Variants in ESCO2 observed in about 807,000 individuals in gnomAD.
The protein encoded by ESCO2 is establishment of sister chromatid cohesion N-acetyltransferase 2, also known as N-acetyltransferase ESCO2.
Under a neutral mutation model 61.7 loss-of-function variants are expected in ESCO2, and 51 were observed. The observed-to-expected ratio is 0.83, with a 90% CI of 0.66 to 1.04. The LOEUF is 1.04. ESCO2 is among the 50% of genes least tolerant of loss of function. ESCO2 has a pLI of 0.00. For missense variants in ESCO2, 692 were observed against 686.2 expected (o/e 1.01, Z -0.09); for synonymous variants, 230 against 238.2 (o/e 0.97, Z 0.32).
chr8:27,783,922 A>G, intron 4 of ESCO2, 78 bp from the exon 5 acceptor site: 1 of 1,302,986 alleles, frequency 7.7e-7, no homozygotes, highest in Non-Finnish European at 1.1e-6. Context: ...ATTTTGTCTT[A>G]TTAACCTTTG....
upstream of ESCO2, chr8:27,774,306 C>G (rs1372170053): frequency 6.6e-6 from 1 of 152,114 alleles, no homozygotes; most frequent in Non-Finnish European, 1.5e-5. Flanking sequence ...ACTACAATTC[C>G]CAGAATGCAC....
At position 27,788,838 on chromosome 8, in the gene ESCO2, CAA is replaced by C; in HGVS notation, c.1132-8_1132-7del. 1 of 1,613,880 alleles carries C rather than the reference CAA, an allele frequency of 6.2e-7. No individual in the cohort carries two copies. Among genetic ancestry groups the C allele is most frequent in the Non-Finnish European group, 8.5e-7 (1 of 1,179,936 alleles). On this transcript the variant is annotated splice_polypyrimidine_tract_variant and splice_region_variant and intron_variant, in intron 6 of 10. Coordinates refer to ENST00000305188, the MANE Select transcript of ESCO2 (RefSeq NM_001017420.3). ...TAAATGGGTTTCTTTTTTTACCCCC[CAA>C]TTATAGGACGCTGGTCAGAAACATT... is the stretch of plus-strand genomic sequence containing the variant.
chr8:27,784,008 A>G lies in ESCO2; in HGVS notation c.964A>G (p.Lys322Glu). The G allele has an allele frequency of 1.2e-6, 2 of 1,613,072 alleles. No homozygotes were observed. Among genetic ancestry groups the G allele is most frequent in the Non-Finnish European group, 1.7e-6 (2 of 1,179,194 alleles). The change falls in exon 5 of 11, where the codon AAG becomes GAG. Residue 322 changes from lysine (K) to glutamate (E), a missense_variant. Transcript: ENST00000305188. ...GATTTTTCCCCTACCAGTTTCTCCT[A>G]AGTCCACTGTCTATCCAATCTTCAG... ...SLGENKTISP[K>E]STVYPIFSAS...
chr8:27,811,200 G>A, downstream of ESCO2: 1 of 1,410,930 alleles, frequency 7.1e-7, no homozygotes, highest in Non-Finnish European at 1.0e-6. Context: ...CAACCCAAAG[G>A]GAAACAGGCG....
chr8:27,813,143 A>G (rs568884353), downstream of ESCO2, among the ~76,000 whole-genome samples: 20 of 152,348 alleles, frequency 1.3e-4, no homozygotes, highest in African/African-American at 4.8e-4. Flanking sequence ...CAGCCATAAA[A>G]AAGGATGAGT....
At chr8:27,802,158 ACAAACAAG>A (rs1805444964) in intron 10 of ESCO2, among the ~76,000 whole-genome samples, 1 of 150,096 alleles carries the variant, frequency 6.7e-6, no homozygotes, top group South Asian at 2.1e-4. Flanking sequence ...TTTTTCTTTC[ACAAACAAG>A]CTGTAGGAGA....
intron 5 of ESCO2, among the ~76,000 whole-genome samples, chr8:27,786,423 A>G (rs1327319627): frequency 6.6e-6 from 1 of 152,200 alleles, no homozygotes; most frequent in Non-Finnish European, 1.5e-5. Flanking sequence ...CGCAAGAAAC[A>G]CTGTGCCTGG....
the ESCO2 span, among the ~76,000 whole-genome samples, chr8:27,818,524 G>C: frequency 6.6e-6 from 1 of 152,054 alleles, no homozygotes; most frequent in Non-Finnish European, 1.5e-5. Flanking sequence ...TTGTTATTTA[G>C]CTTTTAAAAC....
At chr8:27,794,537 T>A (rs1805253212) in intron 9 of ESCO2, among the ~76,000 whole-genome samples, 1 of 152,170 alleles carries the variant, frequency 6.6e-6, no homozygotes, top group Non-Finnish European at 1.5e-5. Flanking sequence ...AATCAGTAGG[T>A]TGGTTAGTTT....
In ESCO2 at chr8:27,792,663, A is replaced by T. The variant is rs776954524; in HGVS notation, c.1354-5A>T. ...TTCACCTGTCTTGGTTTTTAAAATC[A>T]TTAGGTAGAAGATGTCCAAGAACTT... On this transcript the variant is annotated splice_region_variant and splice_polypyrimidine_tract_variant and intron_variant, in intron 8 of 10. Coordinates refer to ENST00000305188, the MANE Select transcript of ESCO2 (RefSeq NM_001017420.3). 1 of 1,612,008 alleles carries T rather than the reference A, an allele frequency of 6.2e-7. No homozygotes were observed. The highest frequency in any genetic ancestry group is 1.1e-5 in the South Asian group (1 of 90,724).
chr8:27,809,889 A>G (rs1479780090), downstream of ESCO2: 1 of 157,252 alleles, frequency 6.4e-6, no homozygotes, highest in Non-Finnish European at 1.4e-5. Flanking sequence ...CACATCAGCA[A>G]AAGGTTCAGT....
downstream of ESCO2, among the ~76,000 whole-genome samples, chr8:27,805,729 G>T (rs549129684): frequency 1.4e-4 from 21 of 152,216 alleles, no homozygotes; most frequent in Middle Eastern, 3.4e-3. Context: ...TCCCGCCTGA[G>T]CTCCCTAAGT....
chr8:27,772,730 AAGG>A (rs1438415308), upstream of ESCO2: 1 of 592,606 alleles, frequency 1.7e-6, no homozygotes, highest in East Asian at 2.9e-5. Flanking sequence ...GTGTAGTGGC[AAGG>A]AGTTTGGTTC....
chr8:27,795,381 C>T (rs529047539), intron 9 of ESCO2, among the ~76,000 whole-genome samples: 2 of 152,218 alleles, frequency 1.3e-5, no homozygotes, highest in Admixed American at 6.5e-5. Context: ...GTATCCTGCA[C>T]CTTTTCTGCA....
downstream of ESCO2, chr8:27,811,180 A>G (rs1165506263): frequency 6.3e-7 from 1 of 1,584,020 alleles, no homozygotes. Context: ...ACAAATCACG[A>G]AAAGGCAAGC....
At chr8:27,775,394 A>C in intron 1 of ESCO2, 105 bp from the exon 2 acceptor site, 1 of 1,017,212 alleles carries the variant, frequency 9.8e-7, no homozygotes, top group Non-Finnish European at 1.6e-6. Context: ...CCTCCCAGAA[A>C]ATAGGGTTTT....
intron 7 of ESCO2, among the ~76,000 whole-genome samples, chr8:27,789,686 C>A (rs1373810678): frequency 1.3e-5 from 2 of 150,238 alleles, no homozygotes; most frequent in African/African-American, 2.5e-5. Flanking sequence ...GAGGCTGAGG[C>A]AGGAGAATCG....
Position 27,788,775 on chromosome 8 carries a change from G to T in ESCO2, c.1132-72G>T, listed in dbSNP as rs570912860. 1.8e-4 allele frequency: 281 copies of T among 1,586,678 alleles called. 3 individuals carry two copies. The East Asian group carries it at 5.1e-3, about 29-fold the overall frequency. On this transcript the variant is annotated intron_variant, in intron 6 of 10. Coordinates refer to ENST00000305188, the MANE Select transcript of ESCO2 (RefSeq NM_001017420.3). ...AAATTAGGTGAAATTTGAATGAATG[G>T]TTATAGGAACTTAATTTAGAGCTAT...
At chr8:27,813,106 G>T (rs1434743494), downstream of ESCO2, among the ~76,000 whole-genome samples, 1 of 152,152 alleles carries the variant, frequency 6.6e-6, no homozygotes, top group Non-Finnish European at 1.5e-5. Flanking sequence ...AAGAAAATGT[G>T]GCACATATAC....
Sources: allele counts gnomAD v4.1 joint callset (sites outside exome capture counted in the v4.1 genomes callset), GRCh38; gene constraint gnomAD v4.1.1; transcripts MANE v1.5; gene names NCBI Gene and HGNC (gene_info 2026-07-23, HGNC 2026-07-21).